The following THAP9 variants were observed in gnomAD, a reference collection of about 807,000 sequenced individuals.
The protein encoded by THAP9 is THAP domain containing 9.
THAP9 carries 20 observed loss-of-function variants against 35.7 expected under a neutral mutation model. The ratio of observed to expected loss-of-function variants is 0.56; its 90% CI spans 0.39 to 0.81. The LOEUF (loss-of-function observed/expected upper bound fraction) is 0.81. Among genes scored for constraint, THAP9 ranks in the 40% least tolerant of loss-of-function variants. The pLI is 0.00. For missense variants in THAP9, 870 were observed against 1,047.4 expected, an observed-to-expected ratio of 0.83 and a Z score of 2.34; for synonymous variants, 335 against 373.7, an observed-to-expected ratio of 0.90 and a Z score of 1.19.
At chr4:82,912,263 T>A (rs1720889810) in intron 4 of THAP9, among the ~76,000 whole-genome samples, 1 of 152,224 alleles carries the variant, frequency 6.6e-6, no homozygotes, top group Admixed American at 6.5e-5. Context: ...TGGTCATAGA[T>A]AGAAAATGCT....
At chr4:82,901,062 C>T (rs537791912) in intron 1 of THAP9, 180 bp downstream of exon 1, 140 of 772,772 alleles carry the variant, frequency 1.8e-4, no homozygotes, top group Non-Finnish European at 2.8e-4. Context: ...GAGATTCTCT[C>T]TCTTCCCGCC....
intron 1 of THAP9, among the ~76,000 whole-genome samples, chr4:82,901,446 T>C (rs539162854): frequency 2.0e-5 from 3 of 152,222 alleles, no homozygotes; most frequent in South Asian, 2.1e-4. Flanking sequence ...TCATTCAGTA[T>C]TCAGGGTACA....
In THAP9 at chr4:82,917,738, A is replaced by T. The variant is rs137923015; in HGVS notation, c.1526A>T (p.His509Leu). Reference sequence around the variant, plus strand: ...TTTCAAAACTGTATTGGTACCATCCATTTTTTACGTTTAATTAACAATCTG... The same window carrying T: ...TTTCAAAACTGTATTGGTACCATCCTTTTTTTACGTTTAATTAACAATCTG... The part of the protein sequence containing the change: ...PPFQNCIGTI[H>L]FLRLINNLFD... Residue 509 changes from histidine to leucine, a missense_variant, in exon 5 of 5, where the codon CAT becomes CTT. Around this residue, in one of 3 missense-constraint regions of THAP9, gnomAD observed 414 missense variants for 500.8 expected, o/e 0.83. Coordinates refer to ENST00000302236, the MANE Select transcript of THAP9 (RefSeq NM_024672.6). The T allele has an allele frequency of 4.4e-5, 71 of 1,613,792 alleles. No individual in the cohort carries two copies. The highest frequency in any genetic ancestry group is 5.8e-5 in the Non-Finnish European group (69 of 1,179,946).
chr4:82,913,984 C>T (rs1220681905), intron 4 of THAP9, among the ~76,000 whole-genome samples: 1 of 152,014 alleles, frequency 6.6e-6, no homozygotes, highest in East Asian at 1.9e-4. Context: ...TCATCTGCCT[C>T]CCTCGGCCTC....
At chr4:82,903,385 C>G (rs1261891305) in intron 1 of THAP9, 4 of 152,202 alleles carry the variant, frequency 2.6e-5, no homozygotes, top group Admixed American at 2.6e-4. Context: ...CCAGGCCCGG[C>G]TAATTTTTGT....
Position 82,900,833 on chromosome 4 carries a change from A to C in THAP9, c.31A>C (p.Ser11Arg). Reference protein sequence around the residue: MTRSCSAVGCSTRDTVLSRER... With the variant: MTRSCSAVGCRTRDTVLSRER... ...CCGAAGTTGCTCCGCAGTGGGCTGC[A>C]GCACCCGTGACACCGTGCTCAGCCG... is the stretch of plus-strand genomic sequence containing the variant. Residue 11 changes from serine to arginine, a missense_variant, in exon 1 of 5, where the codon AGC (serine) becomes CGC (arginine). Coordinates refer to ENST00000302236, the MANE Select transcript of THAP9 (RefSeq NM_024672.6). 1 of 1,613,618 alleles carries C rather than the reference A, an allele frequency of 6.2e-7. No individual in the cohort carries two copies. The highest frequency in any genetic ancestry group is 8.5e-7 in the Non-Finnish European group (1 of 1,180,032).
Position 82,918,261 on chromosome 4 carries a change from A to C in THAP9, c.2049A>C (p.Thr683=). 1 of 1,614,202 alleles carries C rather than the reference A, an allele frequency of 6.2e-7. No homozygotes were observed. Among genetic ancestry groups the C allele is most frequent in the Non-Finnish European group, 8.5e-7 (1 of 1,180,010 alleles). The part of the protein sequence containing the change: ...TVQRQYGVSV[T]KTVFHEEGIC... ...AACGTCAGTATGGTGTCAGCGTTACAAAGACTGTCTTTCACGAAGAGGGTA... is the reference window on the plus strand; with the variant it reads ...AACGTCAGTATGGTGTCAGCGTTACCAAGACTGTCTTTCACGAAGAGGGTA... Residue 683 remains threonine (T), a synonymous_variant, in exon 5 of 5, where the codon ACA becomes ACC. Transcript: ENST00000302236.
At chr4:82,912,730 C>CA (rs1237399845) in intron 4 of THAP9, among the ~76,000 whole-genome samples, 1 of 152,142 alleles carries the variant, frequency 6.6e-6, no homozygotes, top group Non-Finnish European at 1.5e-5. Flanking sequence ...CTAGGAATTA[C>CA]AAAATGACAT....
intron 4 of THAP9, chr4:82,909,984 C>T (rs1720807685): frequency 6.6e-6 from 1 of 152,060 alleles, no homozygotes; most frequent in East Asian, 1.9e-4. Flanking sequence ...GAAGCATATA[C>T]CTTTTTAATC....
At chr4:82,912,271 G>A (rs1003492622) in intron 4 of THAP9, among the ~76,000 whole-genome samples, 2 of 152,116 alleles carry the variant, frequency 1.3e-5, no homozygotes, top group Non-Finnish European at 2.9e-5. Context: ...GATAGAAAAT[G>A]CTGGCACAGT....
chr4:82,904,078 T>G (rs1396754669), intron 1 of THAP9, among the ~76,000 whole-genome samples: 5 of 141,208 alleles, frequency 3.5e-5, no homozygotes, highest in Non-Finnish European at 6.2e-5. Flanking sequence ...TTTTTTTTTT[T>G]TTTGTTACGG....
At chr4:82,901,256 G>C in intron 1 of THAP9, 1 of 475,172 alleles carries the variant, frequency 2.1e-6, no homozygotes, top group South Asian at 1.6e-5. Context: ...GTACAGATCA[G>C]TTTTCTCCTG....
intron 1 of THAP9, chr4:82,901,193 A>G (rs1720344523): frequency 6.8e-6 from 4 of 590,488 alleles, no homozygotes; most frequent in African/African-American, 1.8e-5. Flanking sequence ...CCGAAAGGGA[A>G]GGCAGTTTAG....
intron 3 of THAP9, 106 bp downstream of exon 3, chr4:82,906,733 G>T: frequency 8.9e-7 from 1 of 1,121,160 alleles, no homozygotes; most frequent in Non-Finnish European, 1.2e-6. Flanking sequence ...TTTCAGTTGG[G>T]AAGTGAAAGT....
Position 82,917,960 on chromosome 4 carries a change from G to A in THAP9, c.1748G>A (p.Ser583Asn). The change falls in exon 5 of 5, where the codon AGC becomes AAC. Residue 583 changes from serine (S) to asparagine (N), a missense_variant. Physicochemically the swap from Ser to Asn is conservative, Grantham distance 46. This residue lies in a region of THAP9 where 414 missense variants were observed against 500.8 expected (regional missense o/e 0.83). Coordinates refer to ENST00000302236, the MANE Select transcript of THAP9 (RefSeq NM_024672.6). ...CTGGGATTTTTGCTCAATGCTGAGAGCTTAAAATGGCTCTACCAAAATTAT... is the reference window on the plus strand; with the variant it reads ...CTGGGATTTTTGCTCAATGCTGAGAACTTAAAATGGCTCTACCAAAATTAT... ...GFLGFLLNAE[S>N]LKWLYQNYVF... 6.2e-7 allele frequency: 1 copy of A among 1,613,984 alleles called. No individual in the cohort carries two copies. The highest frequency in any genetic ancestry group is 1.6e-4 in the Middle Eastern group (1 of 6,062).
Position 82,904,945 on chromosome 4 carries a change from G to C in THAP9, c.276+14G>C, listed in dbSNP as rs778495647. On this transcript the variant is annotated intron_variant, in intron 2 of 4. Transcript: ENST00000302236. ...TCTCTATACAAGGTATTTAAATGTA[G>C]GTGTAAGTCAACAAAATGAAAATTT... 6.2e-7 allele frequency: 1 copy of C among 1,605,464 alleles called. No homozygotes were observed. The highest frequency in any genetic ancestry group is 1.1e-5 in the South Asian group (1 of 89,828).
chr4:82,908,479 A>G (rs1720742070), intron 4 of THAP9, among the ~76,000 whole-genome samples: 1 of 152,204 alleles, frequency 6.6e-6, no homozygotes, highest in Non-Finnish European at 1.5e-5. Flanking sequence ...ATTAAAATGG[A>G]TAGATATAAT....
chr4:82,915,812 T>TATA (rs1322401312), intron 4 of THAP9, among the ~76,000 whole-genome samples: 4 of 152,156 alleles, frequency 2.6e-5, no homozygotes, highest in African/African-American at 4.8e-5. Context: ...TTTTGCATCC[T>TATA]ATAAATACTG....
chr4:82,903,754 A>T (rs1720522609), intron 1 of THAP9, among the ~76,000 whole-genome samples: 1 of 152,200 alleles, frequency 6.6e-6, no homozygotes. Context: ...TCGATGTTAC[A>T]GTATCTCATA....
Sources: allele counts gnomAD v4.1 joint callset (sites outside exome capture counted in the v4.1 genomes callset), GRCh38; gene constraint gnomAD v4.1.1; regional missense constraint gnomAD v4.1.1; transcripts MANE v1.5; gene names NCBI Gene and HGNC (gene_info 2026-07-23, HGNC 2026-07-21).